The following CDYL2 variants were observed in gnomAD, a reference collection of about 807,000 sequenced individuals.
CDYL2 encodes chromodomain Y-like protein 2.
A neutral mutation model predicts 49.4 loss-of-function variants in CDYL2; 23 were observed. That is an observed-to-expected ratio of 0.47 (90% CI 0.34 to 0.66). The LOEUF (loss-of-function observed/expected upper bound fraction) is 0.66. CDYL2 is among the 30% of genes least tolerant of loss of function. The pLI is 0.01. For synonymous variants in CDYL2, 360 were observed against 268.8 expected (o/e 1.34, Z -3.32); for missense variants, 678 against 656.4 (o/e 1.03, Z -0.36).
At chr16:80,732,335 T>C (rs1350230151) in intron 1 of CDYL2, among the ~76,000 whole-genome samples, 5 of 152,170 alleles carry the variant, frequency 3.3e-5, no homozygotes, top group Admixed American at 6.5e-5. Context: ...CGGTGACATA[T>C]GGTATGTCCC....
intron 3 of CDYL2, among the ~76,000 whole-genome samples, chr16:80,626,307 G>C (rs887122845): frequency 2.7e-5 from 4 of 147,686 alleles, no homozygotes; most frequent in African/African-American, 7.5e-5. Context: ...GGAAAAAATT[G>C]GTGAATGTGT....
At chr16:80,735,899 G>C (rs1405244175) in intron 1 of CDYL2, among the ~76,000 whole-genome samples, 1 of 152,216 alleles carries the variant, frequency 6.6e-6, no homozygotes, top group Non-Finnish European at 1.5e-5. Flanking sequence ...TCCAAGGCTA[G>C]AGAGAGCAGG....
chr16:80,703,606 T>TG (rs911854734), intron 1 of CDYL2, among the ~76,000 whole-genome samples: 3 of 152,052 alleles, frequency 2.0e-5, no homozygotes, highest in African/African-American at 7.2e-5. Context: ...GGCCTCCCTG[T>TG]GGGGTGCTCT....
chr16:80,763,754 T>C (rs975078439), intron 1 of CDYL2, among the ~76,000 whole-genome samples: 2 of 152,246 alleles, frequency 1.3e-5, no homozygotes, highest in Non-Finnish European at 2.9e-5. Flanking sequence ...AATTTGCAGA[T>C]AATTCACTCA....
intron 1 of CDYL2, among the ~76,000 whole-genome samples, chr16:80,785,848 C>A (rs1168781339): frequency 3.3e-5 from 5 of 152,098 alleles, no homozygotes; most frequent in Non-Finnish European, 7.4e-5. Flanking sequence ...ACCCGACACA[C>A]AAAAGCAATG....
chr16:80,698,922 A>G (rs1488782367), intron 1 of CDYL2, among the ~76,000 whole-genome samples: 1 of 152,190 alleles, frequency 6.6e-6, no homozygotes, highest in Non-Finnish European at 1.5e-5. Context: ...GCTCACCATC[A>G]CTAATCACCA....
chr16:80,617,485 C>A (rs143611892), intron 4 of CDYL2, among the ~76,000 whole-genome samples: 1 of 152,308 alleles, frequency 6.6e-6, no homozygotes, highest in Admixed American at 6.5e-5. Context: ...AATGACAGTG[C>A]GCTTCTCTCA....
At chr16:80,665,200 A>G (rs1909209222) in intron 2 of CDYL2, among the ~76,000 whole-genome samples, 1 of 151,680 alleles carries the variant, frequency 6.6e-6, no homozygotes, top group South Asian at 2.1e-4. Flanking sequence ...TGTCTAGAAC[A>G]CTCTCCCCTC....
chr16:80,622,416 C>A (rs1226467337), intron 3 of CDYL2, among the ~76,000 whole-genome samples: 1 of 152,046 alleles, frequency 6.6e-6, no homozygotes, highest in South Asian at 2.1e-4. Context: ...TCCCCCTATT[C>A]TCCCTTGCCC....
chr16:80,682,992 A>T (rs1177124921), intron 2 of CDYL2, among the ~76,000 whole-genome samples: 1 of 152,218 alleles, frequency 6.6e-6, no homozygotes, highest in East Asian at 1.9e-4. Flanking sequence ...AGGAGCCTCA[A>T]CACGGATTGC....
At chr16:80,761,630 G>C (rs535699593) in intron 1 of CDYL2, among the ~76,000 whole-genome samples, 1 of 152,192 alleles carries the variant, frequency 6.6e-6, no homozygotes, top group East Asian at 1.9e-4. Context: ...ATCTGAGAGA[G>C]GCCAGGAAGA....
At chr16:80,605,490 T>C (rs1220733667) in intron 6 of CDYL2, among the ~76,000 whole-genome samples, 1 of 149,420 alleles carries the variant, frequency 6.7e-6, no homozygotes, top group African/African-American at 2.4e-5. Flanking sequence ...GCAATAATCA[T>C]AGTAATAATA....
At chr16:80,800,112 C>T (rs535797242) in intron 1 of CDYL2, among the ~76,000 whole-genome samples, 1 of 152,276 alleles carries the variant, frequency 6.6e-6, no homozygotes, top group Non-Finnish European at 1.5e-5. Context: ...GTGTGAAGAC[C>T]TCAGAACAAA....
chr16:80,635,948 A>C (rs1907802378), intron 2 of CDYL2, among the ~76,000 whole-genome samples: 1 of 152,234 alleles, frequency 6.6e-6, no homozygotes, highest in Non-Finnish European at 1.5e-5. Context: ...AATCTGACAA[A>C]AACAAGCAAT....
chr16:80,767,508 G>A (rs1034591234), intron 1 of CDYL2, among the ~76,000 whole-genome samples: 2 of 152,168 alleles, frequency 1.3e-5, no homozygotes, highest in African/African-American at 4.8e-5. Context: ...TACGAAAAAT[G>A]AAATGATCTA....
chr16:80,647,242 A>G (rs1042018319), intron 2 of CDYL2, among the ~76,000 whole-genome samples: 7 of 152,344 alleles, frequency 4.6e-5, no homozygotes, highest in African/African-American at 1.7e-4. Context: ...TTCCATGTTC[A>G]TGGATTTAAG....
chr16:80,663,322 A>G (rs6564777), intron 2 of CDYL2, among the ~76,000 whole-genome samples: 9,548 of 150,318 alleles, frequency 0.064, 841 homozygotes, highest in African/African-American at 0.2. Context: ...AAGACTCATC[A>G]GTTCTACAGT....
intron 4 of CDYL2, among the ~76,000 whole-genome samples, chr16:80,613,490 C>T (rs760916153): frequency 6.6e-6 from 1 of 152,160 alleles, no homozygotes; most frequent in Non-Finnish European, 1.5e-5. Flanking sequence ...GGATGCCAGA[C>T]TCATCAAGGG....
intron 1 of CDYL2, among the ~76,000 whole-genome samples, chr16:80,704,266 G>A (rs1222379355): frequency 6.6e-6 from 1 of 152,144 alleles, no homozygotes; most frequent in Non-Finnish European, 1.5e-5. Context: ...GAAGCACTTG[G>A]CAAATTGATA....
Sources: allele counts gnomAD v4.1 joint callset (sites outside exome capture counted in the v4.1 genomes callset), GRCh38; gene constraint gnomAD v4.1.1; transcripts MANE v1.5; gene names NCBI Gene and HGNC (gene_info 2026-07-23, HGNC 2026-07-21).